The following TMEM232 variants were observed in gnomAD, a reference collection of about 807,000 sequenced individuals.
TMEM232 encodes the protein transmembrane protein 232.
In TMEM232, 80 loss-of-function variants were observed where a neutral mutation model predicts 78.8. The observed-to-expected ratio is 1.01, with a 90% confidence interval of 0.85 to 1.22. The LOEUF is 1.22. Ranked by LOEUF, TMEM232 falls within the 50% of genes most tolerant of loss-of-function variation. The pLI, the probability that TMEM232 is intolerant of heterozygous loss-of-function variation, is 0.00. For missense variants in TMEM232, 881 were observed against 742.2 expected, an observed-to-expected ratio of 1.19 and a Z score of -2.17; for synonymous variants, 297 against 254.3, an observed-to-expected ratio of 1.17 and a Z score of -1.60.
At position 110,700,785 on chromosome 5, in the gene TMEM232, GGTAGATAGATAGA is replaced by G. The variant is rs1561538117; in HGVS notation, c.-13+25829_-13+25841del. On this transcript the variant is annotated intron_variant, in intron 1 of 13. Transcript: ENST00000455884. ...AGGTAGGTAGGTAGATAGATAGATA[GGTAGATAGATAGA>G]TAGATAGATAGATAGATAGATAGAT... is the stretch of plus-strand genomic sequence containing the variant. Among the ~76,000 whole-genome samples, 40 of 141,880 alleles carry G rather than the reference GGTAGATAGATAGA, an allele frequency of 2.8e-4. No individual in the cohort carries two copies. The East Asian group carries it at 6.7e-3, about 24-fold the overall frequency. 93.1% of individuals were successfully genotyped at this position (141,880 alleles called of 152,430 possible).
At chr5:110,537,643 A>C (rs181912133) in intron 11 of TMEM232, among the ~76,000 whole-genome samples, 2 of 152,270 alleles carry the variant, frequency 1.3e-5, no homozygotes, top group Non-Finnish European at 2.9e-5. Context: ...AACAGTGGGA[A>C]CCCTACTAAG....
intron 13 of TMEM232, among the ~76,000 whole-genome samples, chr5:110,422,519 C>CA (rs34448955): frequency 0.18 from 6,292 of 34,402 alleles, 1,400 homozygotes; most frequent in Non-Finnish European, 0.25. Flanking sequence ...GACTCTGTCT[C>CA]AAAAAAAAAA....
At chr5:110,475,445 A>ATTTTTTTTTTTTT (rs61667699) in intron 12 of TMEM232, among the ~76,000 whole-genome samples, 1 of 110,150 alleles carries the variant, frequency 9.1e-6, no homozygotes, top group East Asian at 2.9e-4. Flanking sequence ...TTATACTTTG[A>ATTTTTTTTTTTTT]TTTTTTTTTT....
intron 12 of TMEM232, among the ~76,000 whole-genome samples, chr5:110,503,535 C>T (rs1481761887): frequency 6.6e-6 from 1 of 151,964 alleles, no homozygotes; most frequent in Non-Finnish European, 1.5e-5. Flanking sequence ...TGCTGAGGGA[C>T]CACCAGAGAC....
chr5:110,624,825 T>C (rs933595978), intron 7 of TMEM232, among the ~76,000 whole-genome samples: 1 of 152,104 alleles, frequency 6.6e-6, no homozygotes, highest in African/African-American at 2.4e-5. Flanking sequence ...AAAAACAGAC[T>C]CTTCCTCAAA....
intron 5 of TMEM232, among the ~76,000 whole-genome samples, chr5:110,633,538 G>GA (rs1785421630): frequency 6.6e-6 from 1 of 151,954 alleles, no homozygotes; most frequent in South Asian, 2.1e-4. Context: ...CATGGGGGTG[G>GA]TTTCCCCATG....
At chr5:110,564,116 C>A (rs1307334331) in intron 11 of TMEM232, among the ~76,000 whole-genome samples, 1 of 151,900 alleles carries the variant, frequency 6.6e-6, no homozygotes, top group Non-Finnish European at 1.5e-5. Context: ...CCCTTCCTAC[C>A]TATTAACATT....
At chr5:110,486,131 T>C (rs778311370) in intron 12 of TMEM232, among the ~76,000 whole-genome samples, 23 of 152,046 alleles carry the variant, frequency 1.5e-4, no homozygotes, top group Admixed American at 7.2e-4. Flanking sequence ...TTTTGAGAAC[T>C]GTCTATTCAT....
intron 12 of TMEM232, among the ~76,000 whole-genome samples, chr5:110,469,624 T>C (rs1762453314): frequency 6.6e-6 from 1 of 152,158 alleles, no homozygotes; most frequent in South Asian, 2.1e-4. Context: ...CCCTCCTAGT[T>C]GCTGCTGCAC....
chr5:110,506,554 G>C (rs1766929261), intron 12 of TMEM232, among the ~76,000 whole-genome samples: 1 of 152,056 alleles, frequency 6.6e-6, no homozygotes. Flanking sequence ...GAAGTTTCAG[G>C]GGTCTCAATT....
intron 12 of TMEM232, among the ~76,000 whole-genome samples, chr5:110,483,749 TA>T (rs368161806): frequency 1.4e-3 from 200 of 146,660 alleles, no homozygotes; most frequent in African/African-American, 4.4e-3. Context: ...TAAAGTATAA[TA>T]AAAAAAAAAG....
intron 3 of TMEM232, among the ~76,000 whole-genome samples, chr5:110,396,235 A>G (rs1441638928): frequency 6.6e-6 from 1 of 152,130 alleles, no homozygotes; most frequent in Non-Finnish European, 1.5e-5. Context: ...CTATTTTGAG[A>G]ACAGCATGGG....
chr5:110,535,797 G>A (rs1195014626), intron 11 of TMEM232, among the ~76,000 whole-genome samples: 2 of 152,122 alleles, frequency 1.3e-5, no homozygotes, highest in Non-Finnish European at 2.9e-5. Context: ...ATCAAAGATA[G>A]CATTAATCTG....
chr5:110,549,232 A>G (rs1774156201), intron 11 of TMEM232, among the ~76,000 whole-genome samples: 1 of 152,186 alleles, frequency 6.6e-6, no homozygotes, highest in African/African-American at 2.4e-5. Flanking sequence ...ATTAAATGCA[A>G]GGAAATTAGC....
chr5:110,406,423 C>T (rs1167516375), intron 2 of TMEM232, among the ~76,000 whole-genome samples: 2 of 151,814 alleles, frequency 1.3e-5, no homozygotes, highest in African/African-American at 4.8e-5. Context: ...TCCAGATATA[C>T]CTTTAATATA....
chr5:110,728,127 A>G (rs1175354304), upstream of TMEM232, among the ~76,000 whole-genome samples: 2 of 152,132 alleles, frequency 1.3e-5, no homozygotes, highest in Non-Finnish European at 2.9e-5. Flanking sequence ...AATCAGTTGA[A>G]ACTATAGCAT....
chr5:110,722,875 T>C (rs1797788835), intron 1 of TMEM232, among the ~76,000 whole-genome samples: 1 of 152,190 alleles, frequency 6.6e-6, no homozygotes, highest in African/African-American at 2.4e-5. Context: ...AGACACAGAG[T>C]TAATTCTTTG....
Position 110,716,238 on chromosome 5 carries a change from T to C in TMEM232, c.-13+10389A>G, listed in dbSNP as rs187479576. Among the ~76,000 whole-genome samples, 41 of 152,262 alleles carry C rather than the reference T, an allele frequency of 2.7e-4. No individual in the cohort carries two copies. The East Asian group carries it at 7.9e-3, about 29-fold the overall frequency. On this transcript the variant is annotated intron_variant, in intron 1 of 13. Coordinates refer to ENST00000455884, the MANE Select transcript of TMEM232 (RefSeq NM_001039763.4). Reference sequence around the variant, plus strand: ...ATTTTACAGCAGGGGGCCCCGATCTTTTTGGCACCAGAGACCAGTTTGGTG... The same window carrying C: ...ATTTTACAGCAGGGGGCCCCGATCTCTTTGGCACCAGAGACCAGTTTGGTG...
chr5:110,605,050 A>T, intron 10 of TMEM232, 59 bp downstream of exon 10: 1 of 1,423,732 alleles, frequency 7.0e-7, no homozygotes, highest in East Asian at 2.5e-5. Flanking sequence ...GCTTATTACT[A>T]TATGTAGACA....
Sources: gnomAD v4.1 joint callset for allele counts (sites outside exome capture counted in the v4.1 genomes callset) on GRCh38, gnomAD v4.1.1 for gene constraint, MANE v1.5 for transcripts, NCBI Gene and HGNC (gene_info 2026-07-23, HGNC 2026-07-21) for gene names.